Variants in UAP1 observed in about 807,000 individuals in gnomAD.
UAP1 encodes the protein UDP-N-acetylhexosamine pyrophosphorylase.
Under a neutral mutation model 58.5 loss-of-function variants are expected in UAP1, and 25 were observed. The observed-to-expected ratio is 0.43, with a 90% CI of 0.31 to 0.60. The LOEUF is 0.60. Among genes scored for constraint, UAP1 ranks in the 20% least tolerant of loss-of-function variants. The pLI, the probability that UAP1 is intolerant of heterozygous loss-of-function variation, is 0.11. For synonymous variants in UAP1, 208 were observed against 213.0 expected, an observed-to-expected ratio of 0.98 and a Z score of 0.21; for missense variants, 575 against 630.0, an observed-to-expected ratio of 0.91 and a Z score of 0.93.
intron 5 of UAP1, among the ~76,000 whole-genome samples, chr1:162,586,488 CT>C (rs922310567): frequency 2.7e-5 from 4 of 150,036 alleles, no homozygotes; most frequent in Non-Finnish European, 4.4e-5. Context: ...CCACGCCTGG[CT>C]AATTTTTTTA....
intron 2 of UAP1, 137 bp from the exon 3 acceptor site, chr1:162,576,640 A>G (rs2101767746): frequency 1.3e-6 from 1 of 780,416 alleles, no homozygotes; most frequent in Non-Finnish European, 2.0e-6. Flanking sequence ...TGTACCCAAA[A>G]TCAGCAAATG....
At position 162,590,311 on chromosome 1, in the gene UAP1, G is replaced by A. The variant is rs1334557151; in HGVS notation, c.1170-12G>A. ...TTCATAATAAAGAGGTCTTTATATG[G>A]TTTCGCTCTAGGAAGTTTGTGGTAT... On this transcript the variant is annotated splice_polypyrimidine_tract_variant and intron_variant, in intron 7 of 10. Transcript: ENST00000271469. 2 of 1,604,544 alleles carry A rather than the reference G, an allele frequency of 1.2e-6. No individual in the cohort carries two copies. Among genetic ancestry groups the A allele is most frequent in the East Asian group, 2.2e-5 (1 of 44,732 alleles).
intron 9 of UAP1, chr1:162,593,152 G>A (rs1408645572): frequency 1.7e-5 from 4 of 230,124 alleles, no homozygotes; most frequent in Admixed American, 1.6e-4. Flanking sequence ...GATGTGTCTT[G>A]TGGAATTGGG....
intron 8 of UAP1, among the ~76,000 whole-genome samples, chr1:162,591,766 G>C (rs893151016): frequency 8.0e-5 from 12 of 150,876 alleles, no homozygotes; most frequent in Admixed American, 6.6e-4. Flanking sequence ...GATTACAGGC[G>C]TGAGCCGCCA....
chr1:162,563,512 G>T lies in UAP1; in HGVS notation c.-58+1735G>T, dbSNP rs1028328183. On this transcript the variant is annotated intron_variant, in intron 1 of 10. Transcript: ENST00000271469. ...CCTGAGTAGCTGGGACTACAGGCGCGTGCCACCATGCCCAGCTAATTTTTG... is the reference window on the plus strand; with the variant it reads ...CCTGAGTAGCTGGGACTACAGGCGCTTGCCACCATGCCCAGCTAATTTTTG... Among the ~76,000 whole-genome samples, 43 of 152,000 alleles carry T rather than the reference G, an allele frequency of 2.8e-4. 1 individual carries two copies. Among genetic ancestry groups the T allele is most frequent in the Non-Finnish European group, 3.2e-4 (22 of 68,026 alleles).
intron 2 of UAP1, among the ~76,000 whole-genome samples, chr1:162,567,324 A>G (rs918515958): frequency 6.6e-6 from 1 of 152,172 alleles, no homozygotes; most frequent in African/African-American, 2.4e-5. Context: ...CAGCCCATGT[A>G]CTAGTTGTCT....
At chr1:162,594,106 T>C (rs1655485140) in intron 9 of UAP1, among the ~76,000 whole-genome samples, 1 of 152,150 alleles carries the variant, frequency 6.6e-6, no homozygotes, top group Non-Finnish European at 1.5e-5. Flanking sequence ...TTCAAGCATG[T>C]TACATTTATA....
intron 6 of UAP1, among the ~76,000 whole-genome samples, chr1:162,588,259 C>T (rs559962591): frequency 6.6e-6 from 1 of 152,302 alleles, no homozygotes; most frequent in Admixed American, 6.5e-5. Flanking sequence ...ATCGATTTCA[C>T]TTAGCTTTTA....
At chr1:162,580,566 A>G (rs1391069886) in intron 4 of UAP1, among the ~76,000 whole-genome samples, 1 of 152,252 alleles carries the variant, frequency 6.6e-6, no homozygotes, top group Non-Finnish European at 1.5e-5. Flanking sequence ...GAGAATCTGT[A>G]CTTGGAGGAA....
At chr1:162,569,765 G>A (rs1473768881) in intron 2 of UAP1, among the ~76,000 whole-genome samples, 1 of 152,084 alleles carries the variant, frequency 6.6e-6, no homozygotes, top group East Asian at 1.9e-4. Flanking sequence ...AAAGTAAGTG[G>A]ATTATTTAGA....
intron 2 of UAP1, among the ~76,000 whole-genome samples, chr1:162,576,315 A>C (rs1654174297): frequency 6.6e-6 from 1 of 152,032 alleles, no homozygotes; most frequent in Non-Finnish European, 1.5e-5. Context: ...TTGACTTGCC[A>C]CATCAATTAG....
intron 9 of UAP1, among the ~76,000 whole-genome samples, chr1:162,596,107 C>T: frequency 6.6e-6 from 1 of 152,054 alleles, no homozygotes; most frequent in East Asian, 1.9e-4. Flanking sequence ...CCCACCTTGG[C>T]CTCTCAAAGT....
At chr1:162,589,217 AATAT>A (rs1557977682) in intron 7 of UAP1, among the ~76,000 whole-genome samples, 1 of 98,082 alleles carries the variant, frequency 1.0e-5, no homozygotes, top group African/African-American at 3.7e-5. Flanking sequence ...AAATATATAT[AATAT>A]TTATATATTA....
At chr1:162,596,069 T>C (rs1437361764) in intron 9 of UAP1, among the ~76,000 whole-genome samples, 1 of 152,094 alleles carries the variant, frequency 6.6e-6, no homozygotes, top group African/African-American at 2.4e-5. Flanking sequence ...GCCAGGCTGG[T>C]CTCGAATTCC....
At chr1:162,569,590 A>G (rs1433360768) in intron 2 of UAP1, among the ~76,000 whole-genome samples, 1 of 152,222 alleles carries the variant, frequency 6.6e-6, no homozygotes, top group Non-Finnish European at 1.5e-5. Flanking sequence ...TGTTTGCTTG[A>G]TAAAAATTCC....
chr1:162,566,272 A>C (rs1178732761), exon 2 of UAP1: 1 of 1,614,212 alleles, frequency 6.2e-7, no homozygotes, highest in Non-Finnish European at 8.5e-7. Flanking sequence ...TGGATGCACG[A>C]ATGGAACCTG....
intron 1 of UAP1, among the ~76,000 whole-genome samples, chr1:162,563,317 G>A (rs1653280386): frequency 6.6e-6 from 1 of 151,674 alleles, no homozygotes; most frequent in Non-Finnish European, 1.5e-5. Flanking sequence ...TGTTACCAGT[G>A]GTTTACGCCC....
At chr1:162,577,873 G>A (rs1267567741) in intron 3 of UAP1, among the ~76,000 whole-genome samples, 1 of 151,772 alleles carries the variant, frequency 6.6e-6, no homozygotes, top group South Asian at 2.1e-4. Flanking sequence ...GCATCTCAAA[G>A]TGCTGAGATT....
At chr1:162,597,656 G>A (rs1203975007) in intron 9 of UAP1, 136 bp from the exon 10 acceptor site, 1 of 660,942 alleles carries the variant, frequency 1.5e-6, no homozygotes, top group Non-Finnish European at 2.6e-6. Context: ...GTGATCATCA[G>A]GGTAGCATCT....
Sources: allele counts gnomAD v4.1 joint callset (sites outside exome capture counted in the v4.1 genomes callset), GRCh38; gene constraint gnomAD v4.1.1; transcripts MANE v1.5; gene names NCBI Gene and HGNC (gene_info 2026-07-23, HGNC 2026-07-21).